Variants in ZNF423 observed in about 807,000 individuals in gnomAD.
ZNF423 encodes the protein Ebf-associated zinc finger protein.
Under a neutral mutation model 95.8 loss-of-function variants are expected in ZNF423, and 12 were observed. The observed-to-expected ratio is 0.13, with a 90% CI of 0.08 to 0.20. The LOEUF (loss-of-function observed/expected upper bound fraction) is 0.20, where lower values mean the gene tolerates loss of function less well. ZNF423 is among the 10% of genes least tolerant of loss of function. The probability of loss-of-function intolerance (pLI) is 1.00; values close to 1 mark genes in which losing one functional copy is unlikely to be tolerated. For missense variants in ZNF423, 1,316 were observed against 1,737.1 expected (o/e 0.76, Z 4.31); for synonymous variants, 749 against 711.9 (o/e 1.05, Z -0.83).
upstream of ZNF423, among the ~76,000 whole-genome samples, chr16:49,856,533 G>A (rs568379964): frequency 5.9e-5 from 9 of 151,608 alleles, no homozygotes; most frequent in South Asian, 4.1e-4. Flanking sequence ...AGATTATGAT[G>A]GATGGGGGGC....
intron 2 of ZNF423, among the ~76,000 whole-genome samples, chr16:49,753,899 C>T (rs748876069): frequency 6.6e-6 from 1 of 151,986 alleles, no homozygotes; most frequent in Non-Finnish European, 1.5e-5. Context: ...GGAATGGTGG[C>T]GGGCGCCTGT....
At chr16:49,789,613 G>A (rs2034378774) in intron 1 of ZNF423, 67 bp from the exon 2 acceptor site, 1 of 1,500,112 alleles carries the variant, frequency 6.7e-7, no homozygotes, top group African/African-American at 1.4e-5. Flanking sequence ...GTAAGGCACA[G>A]GGCGAGGAAG....
chr16:49,642,243 G>T (rs1972997957), intron 3 of ZNF423, among the ~76,000 whole-genome samples: 1 of 152,164 alleles, frequency 6.6e-6, no homozygotes, highest in South Asian at 2.1e-4. Context: ...TGGGGTTCAG[G>T]GAGGTGAGGA....
At chr16:49,701,350 G>C (rs1448312787) in intron 3 of ZNF423, among the ~76,000 whole-genome samples, 4 of 152,210 alleles carry the variant, frequency 2.6e-5, no homozygotes, top group African/African-American at 9.6e-5. Context: ...AGCCAGCCTT[G>C]ATATTTCCTA....
intron 3 of ZNF423, among the ~76,000 whole-genome samples, chr16:49,687,024 G>A (rs138235718): frequency 9.2e-4 from 140 of 152,066 alleles, no homozygotes; most frequent in African/African-American, 3.3e-3. Context: ...GTGTACAGAA[G>A]AACCAGATGG....
intron 5 of ZNF423, among the ~76,000 whole-genome samples, chr16:49,575,966 G>A (rs571206580): frequency 2.2e-4 from 33 of 152,224 alleles, no homozygotes; most frequent in Middle Eastern, 3.4e-3. Context: ...TCTTAGGGTG[G>A]GGTCCTTTTT....
intron 3 of ZNF423, among the ~76,000 whole-genome samples, chr16:49,717,640 T>C (rs574394621): frequency 1.3e-5 from 2 of 152,372 alleles, no homozygotes; most frequent in Admixed American, 1.3e-4. Flanking sequence ...AAGATAGTCC[T>C]ACACCTAGGT....
intron 5 of ZNF423, among the ~76,000 whole-genome samples, chr16:49,614,102 G>T (rs546075714): frequency 3.3e-5 from 5 of 152,248 alleles, no homozygotes; most frequent in Non-Finnish European, 7.4e-5. Context: ...AAACTAAATG[G>T]TAAAAAAGCA....
At chr16:49,556,586 C>A (rs934539315) in intron 5 of ZNF423, among the ~76,000 whole-genome samples, 9 of 152,188 alleles carry the variant, frequency 5.9e-5, no homozygotes, top group African/African-American at 2.2e-4. Context: ...CCTCCACAGA[C>A]TCTGCAGCCT....
intron 3 of ZNF423, among the ~76,000 whole-genome samples, chr16:49,709,168 T>TTATATATATATATATATATATA (rs534895949): frequency 0.034 from 3,181 of 93,036 alleles, 102 homozygotes; most frequent in Middle Eastern, 0.082. Flanking sequence ...CAGCAGCCGT[T>TTATATATATATATATATATATA]TATATATATA....
chr16:49,739,128 C>A (rs2033357115), intron 2 of ZNF423, among the ~76,000 whole-genome samples: 2 of 152,104 alleles, frequency 1.3e-5, no homozygotes, highest in Admixed American at 6.5e-5. Flanking sequence ...GCTGGGGGAC[C>A]ATGAACAAGT....
At chr16:49,850,194 T>A (rs1452084800) in intron 1 of ZNF423, among the ~76,000 whole-genome samples, 1 of 152,156 alleles carries the variant, frequency 6.6e-6, no homozygotes, top group Non-Finnish European at 1.5e-5. Context: ...AAAGTTTCCA[T>A]CAGCATTTCC....
chr16:49,765,352 C>T (rs1192087754), intron 2 of ZNF423, among the ~76,000 whole-genome samples: 4 of 152,044 alleles, frequency 2.6e-5, no homozygotes, highest in South Asian at 4.2e-4. Flanking sequence ...TACTGTAACG[C>T]CACTGAACTG....
intron 1 of ZNF423, among the ~76,000 whole-genome samples, chr16:49,799,408 T>C (rs1041415788): frequency 3.9e-5 from 6 of 152,162 alleles, no homozygotes; most frequent in African/African-American, 1.4e-4. Flanking sequence ...CACTGCGATT[T>C]AGCCCACCCC....
intron 2 of ZNF423, among the ~76,000 whole-genome samples, chr16:49,733,306 AG>A (rs1375147554): frequency 6.6e-6 from 1 of 152,232 alleles, no homozygotes; most frequent in African/African-American, 2.4e-5. Flanking sequence ...AGTTACAATC[AG>A]CACCACACTT....
chr16:49,825,337 A>T (rs2034993944), intron 1 of ZNF423, among the ~76,000 whole-genome samples: 3 of 152,226 alleles, frequency 2.0e-5, no homozygotes, highest in African/African-American at 7.2e-5. Flanking sequence ...TCACTGAAAC[A>T]TACACACACC....
rs1972856533 is a variant in ZNF423 at position 49,638,681 on chromosome 16, C to T, written c.495G>A (p.Glu165=). Residue 165 remains glutamate (E), a synonymous_variant, in exon 4 of 8, where the codon GAG becomes GAA. Coordinates refer to ENST00000563137, the MANE Select transcript of ZNF423 (RefSeq NM_001379286.1). This position sits in a 1 kb window ranked among gnomAD's most constrained non-coding sequence, Gnocchi z 5.6. ...FIRLSYLKRH[E]QIHSDKLPFK... ...ACGGCAGCTTGTCGCTGTGGATCTG[C>T]TCGTGCCTCTTCAAGTAGCTCAAGC... is the stretch of plus-strand genomic sequence containing the variant. The T allele has an allele frequency of 1.9e-6, 3 of 1,614,150 alleles. No homozygotes were observed. The highest frequency in any genetic ancestry group is 2.2e-5 in the East Asian group (1 of 44,876).
At chr16:49,646,864 G>A (rs1235645538) in intron 3 of ZNF423, among the ~76,000 whole-genome samples, 1 of 152,148 alleles carries the variant, frequency 6.6e-6, no homozygotes, top group Non-Finnish European at 1.5e-5. Flanking sequence ...GAGCCACCAC[G>A]CCCAGCTGTA....
intron 7 of ZNF423, among the ~76,000 whole-genome samples, chr16:49,509,257 G>A (rs1396758540): frequency 6.6e-6 from 1 of 152,110 alleles, no homozygotes; most frequent in Non-Finnish European, 1.5e-5. Flanking sequence ...CATCCCTGCT[G>A]TCCCCTGGGA....
Sources: allele counts gnomAD v4.1 joint callset (sites outside exome capture counted in the v4.1 genomes callset), GRCh38; gene constraint gnomAD v4.1.1; non-coding constraint Gnocchi (gnomAD v3.1); transcripts MANE v1.5; gene names NCBI Gene and HGNC (gene_info 2026-07-23, HGNC 2026-07-21).